IGLON5: variants seen among roughly 807,000 people sequenced by gnomAD.
IGLON5 encodes the protein IgLON family member 5.
IGLON5 carries 16 observed loss-of-function variants against 38.2 expected under a neutral mutation model. That is an observed-to-expected ratio of 0.42 (90% CI 0.28 to 0.64). IGLON5 has a LOEUF of 0.64. IGLON5 is among the 30% of genes least tolerant of loss of function. IGLON5 has a pLI of 0.23. For missense variants in IGLON5, 366 were observed against 483.4 expected (o/e 0.76, Z 2.28); for synonymous variants, 207 against 216.4 (o/e 0.96, Z 0.38).
In IGLON5 at chr19:51,327,033, C is replaced by A. The variant is rs770614790; in HGVS notation, c.647-47C>A. The A allele has an allele frequency of 6.3e-7, 1 of 1,598,470 alleles. No individual in the cohort carries two copies. ...GCGGGGGCTGGGGGCGGGACCCCTT[C>A]GTCCCCACGCGGCTAGGAGAATTCG... On this transcript the variant is annotated intron_variant, in intron 5 of 7. Coordinates refer to ENST00000270642, the MANE Select transcript of IGLON5 (RefSeq NM_001101372.3). This position sits in a 1 kb window ranked among gnomAD's most constrained non-coding sequence, Gnocchi z 7.1.
chr19:51,325,182 C>T lies in IGLON5; in HGVS notation c.392-164C>T, dbSNP rs564366889. On this transcript the variant is annotated intron_variant, in intron 3 of 7. Coordinates refer to ENST00000270642, the MANE Select transcript of IGLON5 (RefSeq NM_001101372.3). The surrounding 1 kb of genome is among the most constrained non-coding windows in gnomAD (Gnocchi z 5.5). ...CTTGGGTCTGAGGGAAGAGGAACTG[C>T]GGGTCTGAACTCCCGGGTCTGAGGG... Among the ~76,000 whole-genome samples the T allele has an allele frequency of 4.8e-5, 7 of 145,512 alleles. No individual in the cohort carries two copies. The highest frequency in any genetic ancestry group is 2.8e-4 in the Admixed American group (4 of 14,534).
chr19:51,319,840 G>A (rs1219685833), intron 1 of IGLON5, among the ~76,000 whole-genome samples: 1 of 151,976 alleles, frequency 6.6e-6, no homozygotes, highest in Non-Finnish European at 1.5e-5. Context: ...TGACTGAGAG[G>A]GTGGGACTGT....
chr19:51,323,098 T>C (rs1985116241), intron 2 of IGLON5, among the ~76,000 whole-genome samples: 1 of 146,176 alleles, frequency 6.8e-6, no homozygotes, highest in African/African-American at 2.6e-5. Context: ...TGTGAGTCTC[T>C]GTCCCCTCTC....
chr19:51,328,460 C>T (rs1467709128), intron 7 of IGLON5, among the ~76,000 whole-genome samples: 2 of 147,066 alleles, frequency 1.4e-5, no homozygotes, highest in South Asian at 2.1e-4. Flanking sequence ...TACAGTGAGC[C>T]GAGATTGCGC....
In IGLON5 at chr19:51,325,541, G is replaced by C. The variant is rs1328325535; in HGVS notation, c.511+76G>C. ...GGCCCCTCCATTCCCCATATCCCTA[G>C]CTAGTTTCCCCAGCCCCCTTCTCCC... On this transcript the variant is annotated intron_variant, in intron 4 of 7. Transcript: ENST00000270642. The surrounding 1 kb of genome is among the most constrained non-coding windows in gnomAD (Gnocchi z 5.5). The C allele has an allele frequency of 1.4e-6, 2 of 1,447,970 alleles. No individual in the cohort carries two copies. The highest frequency in any genetic ancestry group is 2.9e-5 in the African/African-American group (2 of 70,020). 89.7% of individuals were successfully genotyped at this position (1,447,970 alleles called of 1,614,324 possible).
intron 7 of IGLON5, 47 bp from the exon 8 acceptor site, chr19:51,328,624 G>A: frequency 7.7e-7 from 1 of 1,290,898 alleles, no homozygotes; most frequent in Non-Finnish European, 1.1e-6. Context: ...CACACATGGG[G>A]TTCCCCACTC....
Position 51,327,588 on chromosome 19 carries a change from T to A in IGLON5, c.768-144T>A. The A allele has an allele frequency of 3.3e-6, 4 of 1,204,272 alleles. No individual in the cohort carries two copies. The highest frequency in any genetic ancestry group is 4.6e-6 in the Non-Finnish European group (4 of 876,914). 74.6% of individuals were successfully genotyped at this position (1,204,272 alleles called of 1,614,324 possible). On this transcript the variant is annotated intron_variant, in intron 6 of 7. Coordinates refer to ENST00000270642, the MANE Select transcript of IGLON5 (RefSeq NM_001101372.3). This position sits in a 1 kb window ranked among gnomAD's most constrained non-coding sequence, Gnocchi z 7.1. Reference sequence around the variant, plus strand: ...GGGCGGCGGTGGGAGTGACCCGAGGTACATGAGGTGCTAGAACCCGAGGCG... The same window carrying A: ...GGGCGGCGGTGGGAGTGACCCGAGGAACATGAGGTGCTAGAACCCGAGGCG...
At position 51,327,679 on chromosome 19, in the gene IGLON5, GGGCTGGCCT is replaced by G; in HGVS notation, c.768-46_768-38del. ...GGAACGGAGGAGCCTGAGAGTCGGG[GGGCTGGCCT>G]GGCTGGGCGCTGCGGCCCGGCCCCT... On this transcript the variant is annotated intron_variant, in intron 6 of 7. Transcript: ENST00000270642. The surrounding 1 kb of genome is among the most constrained non-coding windows in gnomAD (Gnocchi z 7.1). 2.0e-6 allele frequency: 3 copies of G among 1,538,308 alleles called. No individual in the cohort carries two copies. The highest frequency in any genetic ancestry group is 2.6e-6 in the Non-Finnish European group (3 of 1,147,892).
chr19:51,318,453 A>G (rs1041913204), intron 1 of IGLON5, among the ~76,000 whole-genome samples: 1 of 152,148 alleles, frequency 6.6e-6, no homozygotes, highest in African/African-American at 2.4e-5. Context: ...TGACCAGATA[A>G]TAAAGCCCTG....
Position 51,325,276 on chromosome 19 carries a change from G to A in IGLON5, c.392-70G>A. The A allele has an allele frequency of 1.3e-6, 2 of 1,571,398 alleles. No individual in the cohort carries two copies. ...AGGGGCTGGGGGTCTGGACTCCTGG[G>A]TCTGAAGGAGGAAGGGCTGGGGGCC... On this transcript the variant is annotated intron_variant, in intron 3 of 7. Coordinates refer to ENST00000270642, the MANE Select transcript of IGLON5 (RefSeq NM_001101372.3). This position sits in a 1 kb window ranked among gnomAD's most constrained non-coding sequence, Gnocchi z 5.5.
rs1985161742 is a variant in IGLON5 at position 51,324,377 on chromosome 19, C to G, written c.391+483C>G. 6.6e-6 allele frequency among the ~76,000 whole-genome samples: 1 copy of G among 152,174 alleles called. No homozygotes were observed. The highest frequency in any genetic ancestry group is 6.5e-5 in the Admixed American group (1 of 15,270). On this transcript the variant is annotated intron_variant, in intron 3 of 7. Coordinates refer to ENST00000270642, the MANE Select transcript of IGLON5 (RefSeq NM_001101372.3). The surrounding 1 kb of genome is among the most constrained non-coding windows in gnomAD (Gnocchi z 4.2). ...GAGCCAAGTGTGCAAAGGGAAGTCT[C>G]ATGAGGCTGGAAGCGCCAGATCCAG...
intron 1 of IGLON5, among the ~76,000 whole-genome samples, chr19:51,313,907 T>C (rs550138423): frequency 1.7e-3 from 254 of 151,776 alleles, no homozygotes; most frequent in African/African-American, 5.9e-3. Flanking sequence ...TTTTTTTCTT[T>C]GTAGAGATGG....
chr19:51,318,650 G>C (rs1161027530), intron 1 of IGLON5, among the ~76,000 whole-genome samples: 3 of 152,274 alleles, frequency 2.0e-5, no homozygotes, highest in Non-Finnish European at 1.5e-5. Context: ...TGGGAGGATT[G>C]CTTTTGCTGG....
At position 51,325,660 on chromosome 19, in the gene IGLON5, C is replaced by T. The variant is rs1472513190; in HGVS notation, c.511+195C>T. Among the ~76,000 whole-genome samples the T allele has an allele frequency of 6.6e-6, 1 of 152,170 alleles. No individual in the cohort carries two copies. Among genetic ancestry groups the T allele is most frequent in the East Asian group, 1.9e-4 (1 of 5,186 alleles). On this transcript the variant is annotated intron_variant, in intron 4 of 7. Transcript: ENST00000270642. This position sits in a 1 kb window ranked among gnomAD's most constrained non-coding sequence, Gnocchi z 5.5. ...AAGAGGCGTCACCACTGGCTTTCCA[C>T]CTGCCGTCCTAGGCCTGGGCCACTG...
chr19:51,326,964 T>C, intron 5 of IGLON5, 66 bp downstream of exon 5: 2 of 1,572,252 alleles, frequency 1.3e-6, no homozygotes, highest in Non-Finnish European at 1.7e-6. Flanking sequence ...AGGAGGGATC[T>C]GGGGGAAGAG....
chr19:51,317,078 C>T (rs1324632418), intron 1 of IGLON5, among the ~76,000 whole-genome samples: 2 of 152,182 alleles, frequency 1.3e-5, no homozygotes, highest in East Asian at 1.9e-4. Context: ...AGAAGATTCT[C>T]ACCCCCAGCC....
rs1002406337 is a variant in IGLON5 at position 51,324,708 on chromosome 19, C to T, written c.392-638C>T. 6.6e-6 allele frequency among the ~76,000 whole-genome samples: 1 copy of T among 151,612 alleles called. No homozygotes were observed. Among genetic ancestry groups the T allele is most frequent in the African/African-American group, 2.4e-5 (1 of 41,254 alleles). ...AGAGCTACTTTTATTTTATGCCCTA[C>T]TAGAAAAGAAAAAACAAAAACACTG... On this transcript the variant is annotated intron_variant, in intron 3 of 7. Transcript: ENST00000270642. The surrounding 1 kb of genome is among the most constrained non-coding windows in gnomAD (Gnocchi z 4.2).
Position 51,326,834 on chromosome 19 carries a change from G to A in IGLON5, c.582G>A (p.Glu194=), listed in dbSNP as rs1985228391. 6.4e-7 allele frequency: 1 copy of A among 1,555,160 alleles called. No homozygotes were observed. The highest frequency in any genetic ancestry group is 8.7e-7 in the Non-Finnish European group (1 of 1,149,282). Reference sequence around the variant, plus strand: ...AGCGGGGCCAGGCCGGGGAGTATGAGTGCGTGACTCACAACGGGGTTAACT... The same window carrying A: ...AGCGGGGCCAGGCCGGGGAGTATGAATGCGTGACTCACAACGGGGTTAACT... ...DIQRGQAGEY[E]CVTHNGVNSA... is the part of the protein sequence containing the mutation. The change falls in exon 5 of 8, where the codon GAG becomes GAA. Residue 194 remains glutamate (E), a synonymous_variant. Transcript: ENST00000270642.
intron 2 of IGLON5, among the ~76,000 whole-genome samples, chr19:51,323,000 G>C (rs1005341686): frequency 8.0e-6 from 1 of 124,314 alleles, no homozygotes; most frequent in Non-Finnish European, 1.7e-5. Flanking sequence ...TCTCTCTCTG[G>C]GCCTCTGTTC....
Sources: gnomAD v4.1 joint callset for allele counts (sites outside exome capture counted in the v4.1 genomes callset) on GRCh38, gnomAD v4.1.1 for gene constraint, Gnocchi (gnomAD v3.1) non-coding constraint, MANE v1.5 for transcripts, NCBI Gene and HGNC (gene_info 2026-07-23, HGNC 2026-07-21) for gene names.